TRMT11: variants seen among roughly 807,000 people sequenced by gnomAD.
TRMT11 encodes tRNA (guanine(10)-N(2))-methyltransferase TRMT11.
A neutral mutation model predicts 62.8 loss-of-function variants in TRMT11; 53 were observed. That is an observed-to-expected ratio of 0.84 (90% confidence interval 0.68 to 1.06). The LOEUF is 1.06. TRMT11 is among the 50% of genes least tolerant of loss of function. TRMT11 has a pLI of 0.00. For missense variants in TRMT11, 556 were observed against 553.4 expected (o/e 1.00, Z -0.05); for synonymous variants, 188 against 190.3 (o/e 0.99, Z 0.10).
chr6:126,230,459 A>G, the TRMT11 span, among the ~76,000 whole-genome samples: 1 of 152,244 alleles, frequency 6.6e-6, no homozygotes, highest in Non-Finnish European at 1.5e-5. Context: ...GAGCATGCTT[A>G]AGTTCTTGGT....
At chr6:126,090,018 C>G (rs1219275056) in intron 17 of TRMT11, among the ~76,000 whole-genome samples, 2 of 152,224 alleles carry the variant, frequency 1.3e-5, no homozygotes, top group Non-Finnish European at 1.5e-5. Flanking sequence ...TCTGCTCCAC[C>G]TGGCCATGTA....
At chr6:125,993,167 C>A (rs540026610) in intron 1 of TRMT11, among the ~76,000 whole-genome samples, 2 of 152,204 alleles carry the variant, frequency 1.3e-5, no homozygotes, top group South Asian at 4.1e-4. Context: ...GTTAGTCATA[C>A]AAATTATAAA....
At chr6:126,180,577 TA>T (rs1778446783) in intron 1 of TRMT11, among the ~76,000 whole-genome samples, 1 of 152,210 alleles carries the variant, frequency 6.6e-6, no homozygotes, top group Admixed American at 6.5e-5. Flanking sequence ...TGGATTACTG[TA>T]AAGAAGGTAG....
chr6:126,066,525 G>A (rs1368164486), intron 17 of TRMT11, among the ~76,000 whole-genome samples: 1 of 152,116 alleles, frequency 6.6e-6, no homozygotes, highest in Non-Finnish European at 1.5e-5. Flanking sequence ...TCTTCTCACA[G>A]GGACGCTAAT....
chr6:126,081,296 G>T (rs1777152957), intron 17 of TRMT11, among the ~76,000 whole-genome samples: 1 of 152,178 alleles, frequency 6.6e-6, no homozygotes, highest in South Asian at 2.1e-4. Context: ...GAAACAGTCT[G>T]CTTTTATCTG....
chr6:126,038,799 A>G lies in TRMT11; in HGVS notation c.1355A>G (p.Lys452Arg). The G allele has an allele frequency of 6.2e-7, 1 of 1,604,186 alleles. No homozygotes were observed. The highest frequency in any genetic ancestry group is 2.3e-5 in the East Asian group (1 of 44,364). ...FREKYFSGVT[K>R]RIAKEEKSTQ... ...GAGAAATATTTTAGTGGGGTAACAA[A>G]AAGAATTGCCAAGGAAGAAAAATCC... The change falls in exon 13 of 13, where the codon AAA becomes AGA. Residue 452 changes from lysine to arginine, a missense_variant. By Grantham distance (26) the Lys-to-Arg change is conservative. Coordinates refer to ENST00000334379, the MANE Select transcript of TRMT11 (RefSeq NM_001031712.3).
At chr6:126,001,447 G>T (rs1792467830) in intron 7 of TRMT11, among the ~76,000 whole-genome samples, 1 of 151,928 alleles carries the variant, frequency 6.6e-6, no homozygotes, top group African/African-American at 2.4e-5. Context: ...TACATTCCCA[G>T]CTGGACCACT....
At chr6:126,026,305 A>G (rs1047505168) in intron 12 of TRMT11, among the ~76,000 whole-genome samples, 4 of 152,176 alleles carry the variant, frequency 2.6e-5, no homozygotes, top group African/African-American at 4.8e-5. Context: ...GTTTTTTTCT[A>G]CATCTTGCTG....
intron 7 of TRMT11, among the ~76,000 whole-genome samples, chr6:126,004,278 G>T (rs757176011): frequency 9.9e-5 from 15 of 151,938 alleles, no homozygotes; most frequent in African/African-American, 2.2e-4. Context: ...GTGTTGAGGG[G>T]CAAGGAGACC....
intron 21 of TRMT11, among the ~76,000 whole-genome samples, chr6:126,152,626 A>G (rs1266881883): frequency 1.3e-5 from 2 of 152,218 alleles, no homozygotes; most frequent in Non-Finnish European, 2.9e-5. Flanking sequence ...CTGTTTTCCC[A>G]AGGTTGAATA....
In TRMT11 at chr6:126,012,982, T is replaced by C. The variant is rs1316586063; in HGVS notation, c.1020T>C (p.His340=). ...TTTCTTTGTGTAGTCCAGAAAGCCA[T>C]GTTCCTGTTTCCTTGAGTTATCATC... ...IEKWEKCPES[H]VPVSLSYHLS... is the part of the protein sequence containing the mutation. The change falls in exon 11 of 13, where the codon CAT becomes CAC. Residue 340 remains histidine (H), a synonymous_variant. Transcript: ENST00000334379. 1.9e-6 allele frequency: 3 copies of C among 1,612,762 alleles called. No individual in the cohort carries two copies. The highest frequency in any genetic ancestry group is 2.2e-5 in the East Asian group (1 of 44,860).
At chr6:126,242,750 G>T in the TRMT11 span, among the ~76,000 whole-genome samples, 1 of 152,116 alleles carries the variant, frequency 6.6e-6, no homozygotes, top group Admixed American at 6.6e-5. Context: ...GCTGAAACTG[G>T]ACCCCTTCCT....
intron 17 of TRMT11, among the ~76,000 whole-genome samples, chr6:126,088,936 T>C (rs1777243676): frequency 6.6e-6 from 1 of 152,200 alleles, no homozygotes; most frequent in Admixed American, 6.5e-5. Context: ...TATTTCAAAT[T>C]AGCTAGCTAA....
chr6:126,022,507 G>C (rs1166923514), intron 12 of TRMT11, among the ~76,000 whole-genome samples: 1 of 152,026 alleles, frequency 6.6e-6, no homozygotes, highest in Non-Finnish European at 1.5e-5. Context: ...TTCATTTGCT[G>C]TCTCTAATTT....
At chr6:126,168,639 C>T (rs1004616485) in intron 21 of TRMT11, among the ~76,000 whole-genome samples, 16 of 152,204 alleles carry the variant, frequency 1.1e-4, no homozygotes, top group Non-Finnish European at 1.9e-4. Flanking sequence ...CTGCCTCAGC[C>T]TCCCAAGTAG....
intron 21 of TRMT11, among the ~76,000 whole-genome samples, chr6:126,162,646 T>G (rs767909641): frequency 2.6e-5 from 4 of 152,198 alleles, no homozygotes; most frequent in Non-Finnish European, 4.4e-5. Context: ...TATAAATTAC[T>G]TCAGGCAGCA....
intron 9 of TRMT11, among the ~76,000 whole-genome samples, chr6:126,012,481 A>G (rs1794360009): frequency 6.6e-6 from 1 of 152,230 alleles, no homozygotes. Flanking sequence ...CCTCTAGGAC[A>G]GGATCTACTC....
At chr6:125,997,853 T>C (rs1171420018) in intron 3 of TRMT11, among the ~76,000 whole-genome samples, 200 bp from the exon 4 acceptor site, 4 of 152,210 alleles carry the variant, frequency 2.6e-5, no homozygotes, top group Non-Finnish European at 5.9e-5. Flanking sequence ...AGTCTTTTTG[T>C]ATTATGGAGA....
intron 18 of TRMT11, among the ~76,000 whole-genome samples, chr6:126,113,339 C>T (rs1015656134): frequency 7.9e-5 from 12 of 151,972 alleles, no homozygotes; most frequent in Non-Finnish European, 1.5e-4. Flanking sequence ...AAATCAAAAA[C>T]CAATATAGGA....
Sources: allele counts gnomAD v4.1 joint callset (sites outside exome capture counted in the v4.1 genomes callset), GRCh38; gene constraint gnomAD v4.1.1; transcripts MANE v1.5; gene names NCBI Gene and HGNC (gene_info 2026-07-23, HGNC 2026-07-21).